The following CTNNA1 variants were observed in gnomAD, a reference collection of about 807,000 sequenced individuals.
CTNNA1 encodes catenin alpha 1.
CTNNA1 carries 37 observed loss-of-function variants against 98.4 expected under a neutral mutation model. The ratio of observed to expected loss-of-function variants is 0.38; its 90% CI spans 0.29 to 0.49. CTNNA1 has a LOEUF of 0.49. Ranked by LOEUF, CTNNA1 falls within the 20% of genes least tolerant of loss-of-function variation. The pLI, the probability that CTNNA1 is intolerant of heterozygous loss-of-function variation, is 0.95. For synonymous variants in CTNNA1, 404 were observed against 413.2 expected, an observed-to-expected ratio of 0.98 and a Z score of 0.27; for missense variants, 761 against 1,147.2, an observed-to-expected ratio of 0.66 and a Z score of 4.86.
intron 7 of CTNNA1, among the ~76,000 whole-genome samples, chr5:138,858,487 G>A (rs1581303211): frequency 6.6e-6 from 1 of 151,618 alleles, no homozygotes; most frequent in East Asian, 1.9e-4. Flanking sequence ...GTGTGCTATT[G>A]GTGAATTTCG....
intron 6 of CTNNA1, among the ~76,000 whole-genome samples, chr5:138,825,482 G>GTTTTTTGTTTTTTTTTTTT (rs1554085136): frequency 6.7e-5 from 5 of 74,114 alleles, no homozygotes; most frequent in African/African-American, 2.9e-4. Context: ...AGCAGTATAA[G>GTTTTTTGTTTTTTTTTTTT]TTTTTTTTTT....
intron 1 of CTNNA1, among the ~76,000 whole-genome samples, chr5:138,775,040 A>G (rs1753953239): frequency 6.6e-6 from 1 of 152,248 alleles, no homozygotes; most frequent in Non-Finnish European, 1.5e-5. Context: ...AGAAAGTGAA[A>G]TAGTTATGTG....
At chr5:138,796,895 GTTCTGT>G (rs909986255) in intron 3 of CTNNA1, among the ~76,000 whole-genome samples, 1 of 152,162 alleles carries the variant, frequency 6.6e-6, no homozygotes, top group Non-Finnish European at 1.5e-5. Context: ...CCTGTAAAAT[GTTCTGT>G]TTAAGAAATG....
chr5:138,836,162 A>G (rs1317028327), intron 7 of CTNNA1, among the ~76,000 whole-genome samples: 1 of 152,150 alleles, frequency 6.6e-6, no homozygotes, highest in African/African-American at 2.4e-5. Context: ...AGAGTTCTAG[A>G]TTTATTCATC....
chr5:138,934,113 A>G lies in CTNNA1; in HGVS notation c.*24A>G. The G allele has an allele frequency of 6.3e-7, 1 of 1,585,118 alleles. No homozygotes were observed. The highest frequency in any genetic ancestry group is 8.6e-7 in the Non-Finnish European group (1 of 1,162,464). On this transcript the variant is annotated 3_prime_UTR_variant, in exon 18 of 18. Transcript: ENST00000302763. ...AAGTCTGCCCAGGCCGGCCGCCCCCACCCCTCGGGGCTCCTGAATATCAGT... is the reference window on the plus strand; with the variant it reads ...AAGTCTGCCCAGGCCGGCCGCCCCCGCCCCTCGGGGCTCCTGAATATCAGT...
intron 11 of CTNNA1, among the ~76,000 whole-genome samples, chr5:138,922,748 G>T (rs565728451): frequency 6.6e-6 from 1 of 152,268 alleles, no homozygotes; most frequent in South Asian, 2.1e-4. Context: ...TCTGTCCTGG[G>T]TGTGTGGTAG....
At chr5:138,877,509 G>T (rs1013137604) in intron 7 of CTNNA1, among the ~76,000 whole-genome samples, 2 of 150,878 alleles carry the variant, frequency 1.3e-5, no homozygotes, top group Non-Finnish European at 3.0e-5. Flanking sequence ...CTGCAGTGGC[G>T]CAATCTCGGC....
chr5:138,906,465 A>G (rs184168958), intron 10 of CTNNA1, among the ~76,000 whole-genome samples: 39 of 152,304 alleles, frequency 2.6e-4, no homozygotes, highest in South Asian at 8.3e-4. Context: ...AAAAGCGACA[A>G]TGCTTTCACA....
chr5:138,841,522 A>G (rs916327724), intron 7 of CTNNA1, among the ~76,000 whole-genome samples: 6 of 152,094 alleles, frequency 3.9e-5, no homozygotes, highest in Non-Finnish European at 7.4e-5. Flanking sequence ...GGCCTCCCAA[A>G]ATGCTGGTAT....
rs200659419 is a variant in CTNNA1, at chr5:138,783,147, C to A, written c.106-30C>A. The A allele has an allele frequency of 1.1e-4, 162 of 1,512,890 alleles. No individual in the cohort carries two copies. The African/African-American group carries it at 2.0e-3, about 19-fold the overall frequency. The allele number at this position is 1,512,890 out of a possible 1,614,324, so 93.7% of individuals were successfully genotyped here. On this transcript the variant is annotated intron_variant, in intron 2 of 17. Coordinates refer to ENST00000302763, the MANE Select transcript of CTNNA1 (RefSeq NM_001903.5). ...TATTAGTTTGTCATTTTAATTGACT[C>A]CAGTTTAATGTTAAAAATGAAACTT...
At chr5:138,776,686 C>T (rs1754248577) in intron 1 of CTNNA1, among the ~76,000 whole-genome samples, 1 of 149,598 alleles carries the variant, frequency 6.7e-6, no homozygotes, top group East Asian at 2.0e-4. Context: ...GACCCCCCCA[C>T]CTCCCTCCCG....
At chr5:138,830,492 A>G (rs1021581430) in intron 7 of CTNNA1, among the ~76,000 whole-genome samples, 2 of 152,240 alleles carry the variant, frequency 1.3e-5, no homozygotes, top group Non-Finnish European at 1.5e-5. Context: ...CGTAACAGTG[A>G]ACAGGCTTGG....
chr5:138,916,156 T>C (rs964987678), intron 10 of CTNNA1, among the ~76,000 whole-genome samples: 2 of 111,194 alleles, frequency 1.8e-5, no homozygotes, highest in East Asian at 4.2e-4. Flanking sequence ...TCCATAGAGA[T>C]AGAAAGCAAA....
chr5:138,825,482 G>GTTTTTTTTT lies in CTNNA1; in HGVS notation c.858+691_858+699dup, dbSNP rs756586452. On this transcript the variant is annotated intron_variant, in intron 6 of 17. Coordinates refer to ENST00000302763, the MANE Select transcript of CTNNA1 (RefSeq NM_001903.5). ...CTTCCAGTAGATGGCAGCAGTATAA[G>GTTTTTTTTT]TTTTTTTTTTTTTTTTAGGGCTTTA... 2.0e-4 allele frequency among the ~76,000 whole-genome samples: 15 copies of GTTTTTTTTT among 74,112 alleles called. 3 individuals carry two copies. The highest frequency in any genetic ancestry group is 6.9e-4 in the African/African-American group (12 of 17,294). The allele number at this position is 74,112 out of a possible 152,430, so 48.6% of individuals were successfully genotyped here.
At position 138,824,672 on chromosome 5, in the gene CTNNA1, T is replaced by C. The variant is rs1271760767; in HGVS notation, c.731T>C (p.Ile244Thr). 6.2e-7 allele frequency: 1 copy of C among 1,614,176 alleles called. No homozygotes were observed. Among genetic ancestry groups the C allele is most frequent in the South Asian group, 1.1e-5 (1 of 91,084 alleles). The change falls in exon 6 of 18, where the codon ATA becomes ACA. Residue 244 changes from isoleucine to threonine, a missense_variant. Transcript: ENST00000302763. ...GCCTATAAGGCCAACAGGGACCTGATATACAAGCAGCTGCAGCAGGCGGTC... is the reference window on the plus strand; with the variant it reads ...GCCTATAAGGCCAACAGGGACCTGACATACAAGCAGCTGCAGCAGGCGGTC... Reference protein sequence around the residue: ...VAAYKANRDLIYKQLQQAVTG... With the variant: ...VAAYKANRDLTYKQLQQAVTG...
At chr5:138,786,204 C>G (rs965694072) in intron 3 of CTNNA1, among the ~76,000 whole-genome samples, 2 of 152,148 alleles carry the variant, frequency 1.3e-5, no homozygotes, top group Non-Finnish European at 2.9e-5. Context: ...AGAGCCAAAA[C>G]CAAAATATAA....
At chr5:138,921,235 G>A (rs1261130263) in intron 11 of CTNNA1, among the ~76,000 whole-genome samples, 1 of 152,164 alleles carries the variant, frequency 6.6e-6, no homozygotes, top group Non-Finnish European at 1.5e-5. Flanking sequence ...TTTGATAAAC[G>A]TTTTCCACGG....
chr5:138,819,857 G>GC (rs1346761463), intron 5 of CTNNA1, among the ~76,000 whole-genome samples: 1 of 141,686 alleles, frequency 7.1e-6, no homozygotes, highest in Non-Finnish European at 1.6e-5. Flanking sequence ...TTGGCGGGGG[G>GC]CGGGGGGGTG....
chr5:138,905,072 C>G (rs1337509854), intron 10 of CTNNA1, among the ~76,000 whole-genome samples: 1 of 138,502 alleles, frequency 7.2e-6, no homozygotes, highest in African/African-American at 2.8e-5. Context: ...CCAGCCTGGG[C>G]GACAGAGCAA....
Sources: allele counts gnomAD v4.1 joint callset (sites outside exome capture counted in the v4.1 genomes callset), GRCh38; gene constraint gnomAD v4.1.1; transcripts MANE v1.5; gene names NCBI Gene and HGNC (gene_info 2026-07-23, HGNC 2026-07-21).